CNIH3: variants seen among roughly 807,000 people sequenced by gnomAD.
The protein encoded by CNIH3 is cornichon family AMPA receptor auxiliary protein 3.
In CNIH3, 14 loss-of-function variants were observed where a neutral mutation model predicts 24.1. The observed-to-expected ratio is 0.58, with a 90% confidence interval of 0.38 to 0.91. The LOEUF (loss-of-function observed/expected upper bound fraction) is 0.91, where lower values mean the gene tolerates loss of function less well. Among genes scored for constraint, CNIH3 ranks in the 40% least tolerant of loss-of-function variants. CNIH3 has a pLI of 0.00. For missense variants in CNIH3, 178 were observed against 196.8 expected (o/e 0.90, Z 0.57); for synonymous variants, 68 against 73.8 (o/e 0.92, Z 0.40).
At chr1:224,592,638 G>T (rs1206398964), downstream of CNIH3, among the ~76,000 whole-genome samples, 2 of 152,258 alleles carry the variant, frequency 1.3e-5, no homozygotes, top group African/African-American at 4.8e-5. Flanking sequence ...GAAAAAAATG[G>T]CATCACAGAG....
intron 1 of CNIH3, among the ~76,000 whole-genome samples, chr1:224,627,438 C>G (rs1683592988): frequency 6.6e-6 from 1 of 152,162 alleles, no homozygotes; most frequent in African/African-American, 2.4e-5. Flanking sequence ...GTTGTTCAGG[C>G]TGGTCTCGAA....
chr1:224,728,442 C>T (rs1689152385), intron 3 of CNIH3, among the ~76,000 whole-genome samples: 1 of 152,168 alleles, frequency 6.6e-6, no homozygotes, highest in Admixed American at 6.5e-5. Context: ...GTACCTGCTT[C>T]ACCCACCAAG....
At chr1:224,605,263 C>A (rs1346857023) in intron 3 of CNIH3, among the ~76,000 whole-genome samples, 3 of 152,122 alleles carry the variant, frequency 2.0e-5, no homozygotes, top group African/African-American at 7.2e-5. Context: ...CACCAGGGAC[C>A]CACCCCTATC....
chr1:224,485,698 G>C (rs1185595030), intron 1 of CNIH3, among the ~76,000 whole-genome samples: 1 of 152,188 alleles, frequency 6.6e-6, no homozygotes, highest in African/African-American at 2.4e-5. Context: ...TCACTATGTT[G>C]TGCAGGCTTG....
chr1:224,507,735 G>C (rs1677977126), intron 1 of CNIH3, among the ~76,000 whole-genome samples: 1 of 152,212 alleles, frequency 6.6e-6, no homozygotes, highest in Non-Finnish European at 1.5e-5. Flanking sequence ...AAACCCCATA[G>C]ACTTACCAGT....
upstream of CNIH3, chr1:224,611,342 AT>A (rs1682690230): frequency 6.6e-6 from 1 of 152,192 alleles, no homozygotes; most frequent in African/African-American, 2.4e-5. Context: ...CCATTAAACC[AT>A]GGCATCAGTT....
intron 1 of CNIH3, among the ~76,000 whole-genome samples, chr1:224,470,277 C>G (rs1468663345): frequency 1.3e-5 from 2 of 150,302 alleles, no homozygotes; most frequent in Admixed American, 6.6e-5. Context: ...CTCGGCCTCC[C>G]GAAGTGTTGG....
chr1:224,739,300 T>A, intron 5 of CNIH3, 29 bp from the exon 6 acceptor site: 1 of 792,628 alleles, frequency 1.3e-6, no homozygotes, highest in East Asian at 5.4e-5. Context: ...CCTCTCTTTT[T>A]TTTTTTTTTT....
At chr1:224,689,142 C>T (rs527275816) in intron 3 of CNIH3, among the ~76,000 whole-genome samples, 22 of 152,186 alleles carry the variant, frequency 1.4e-4, no homozygotes, top group African/African-American at 4.6e-4. Context: ...TTTGGTGAAG[C>T]GTGCAAACAT....
intron 1 of CNIH3, among the ~76,000 whole-genome samples, chr1:224,624,729 C>G (rs1038543049): frequency 9.9e-5 from 15 of 152,234 alleles, no homozygotes; most frequent in African/African-American, 3.4e-4. Flanking sequence ...AAGGATCCTT[C>G]CATGTTATTC....
Position 224,616,515 on chromosome 1 carries a change from G to A in CNIH3, c.-660G>A. On this transcript the variant is annotated 5_prime_UTR_variant, in exon 1 of 6. Transcript: ENST00000272133. ...AGGCCGGCTGGCCGGAGTCACGGTT[G>A]GGGACGGGCGCGCCTCGGAGCGCAC... 1.0e-6 allele frequency: 1 copy of A among 987,572 alleles called. No individual in the cohort carries two copies. Among genetic ancestry groups the A allele is most frequent in the Non-Finnish European group, 1.2e-6 (1 of 831,074 alleles). The allele number at this position is 987,572 out of a possible 1,614,324, so 61.2% of individuals were successfully genotyped here. A position where few individuals can be genotyped will look rare whatever the true frequency, so the allele number is the denominator to read the frequency against.
chr1:224,683,381 T>C (rs948616096), intron 2 of CNIH3, among the ~76,000 whole-genome samples: 3 of 152,210 alleles, frequency 2.0e-5, no homozygotes, highest in Non-Finnish European at 4.4e-5. Flanking sequence ...CCAGTTCTTA[T>C]GCTGTTACTC....
intron 3 of CNIH3, among the ~76,000 whole-genome samples, chr1:224,689,562 G>A (rs994486381): frequency 6.6e-6 from 1 of 152,164 alleles, no homozygotes; most frequent in Non-Finnish European, 1.5e-5. Flanking sequence ...CGATTCCCAA[G>A]CTGTGAGCAC....
At chr1:224,724,422 G>A (rs1688907922) in intron 3 of CNIH3, among the ~76,000 whole-genome samples, 1 of 152,162 alleles carries the variant, frequency 6.6e-6, no homozygotes, top group Non-Finnish European at 1.5e-5. Context: ...GAGAGCAAAG[G>A]GGCCCAGAAT....
chr1:224,728,664 GGTA>G (rs140465674), intron 3 of CNIH3, among the ~76,000 whole-genome samples: 445 of 152,292 alleles, frequency 2.9e-3, no homozygotes, highest in African/African-American at 0.01. Flanking sequence ...TGCCATCTGG[GGTA>G]GTTAGCTCAT....
At chr1:224,562,582 G>A (rs1680416064) in intron 3 of CNIH3, among the ~76,000 whole-genome samples, 1 of 152,180 alleles carries the variant, frequency 6.6e-6, no homozygotes, top group Admixed American at 6.5e-5. Context: ...TTGATCCCCA[G>A]TATTGGAAGA....
chr1:224,716,895 C>T (rs938270168), intron 3 of CNIH3, among the ~76,000 whole-genome samples: 10 of 152,332 alleles, frequency 6.6e-5, no homozygotes, highest in Middle Eastern at 6.8e-3. Flanking sequence ...CATCAGGCCC[C>T]TTCAGAACAC....
intron 4 of CNIH3, among the ~76,000 whole-genome samples, chr1:224,572,405 A>G (rs1053842129): frequency 1.1e-4 from 17 of 151,116 alleles, no homozygotes; most frequent in South Asian, 8.5e-4. Context: ...AGTCCCAGCT[A>G]TTTGGGAGGT....
intron 3 of CNIH3, among the ~76,000 whole-genome samples, chr1:224,710,372 T>C (rs1348386128): frequency 6.6e-6 from 1 of 152,216 alleles, no homozygotes; most frequent in Admixed American, 6.5e-5. Context: ...AGAGGCTTCC[T>C]AGTTTGTTTG....
Sources: allele counts gnomAD v4.1 joint callset (sites outside exome capture counted in the v4.1 genomes callset), GRCh38; gene constraint gnomAD v4.1.1; transcripts MANE v1.5; gene names NCBI Gene and HGNC (gene_info 2026-07-23, HGNC 2026-07-21).